GRIK1: variants seen among roughly 807,000 people sequenced by gnomAD.
The protein encoded by GRIK1 is glutamate receptor ionotropic, kainate 1.
Under a neutral mutation model 105.7 loss-of-function variants are expected in GRIK1, and 69 were observed. That is an observed-to-expected ratio of 0.65 (90% CI 0.54 to 0.80). The LOEUF is 0.80. Among genes scored for constraint, GRIK1 ranks in the 30% least tolerant of loss-of-function variants. The probability of loss-of-function intolerance (pLI) is 0.00; values close to 1 mark genes in which losing one functional copy is unlikely to be tolerated. For synonymous variants in GRIK1, 438 were observed against 431.3 expected, an observed-to-expected ratio of 1.02 and a Z score of -0.19; for missense variants, 1,109 against 1,167.3, an observed-to-expected ratio of 0.95 and a Z score of 0.73.
At chr21:29,590,185 A>C (rs1407981526) in intron 10 of GRIK1, among the ~76,000 whole-genome samples, 1 of 152,226 alleles carries the variant, frequency 6.6e-6, no homozygotes, top group South Asian at 2.1e-4. Context: ...ATTCAAACAC[A>C]GTAGAGAACC....
At chr21:29,867,259 G>A (rs2068832454) in intron 1 of GRIK1, among the ~76,000 whole-genome samples, 1 of 152,036 alleles carries the variant, frequency 6.6e-6, no homozygotes, top group Non-Finnish European at 1.5e-5. Flanking sequence ...CAGCTATAAA[G>A]CTGTTTCACA....
intron 1 of GRIK1, among the ~76,000 whole-genome samples, chr21:29,766,400 T>A (rs2065669597): frequency 5.3e-5 from 8 of 152,108 alleles, no homozygotes; most frequent in Admixed American, 5.2e-4. Flanking sequence ...CATTCTGCAA[T>A]GCACAGGGCA....
rs1471385361 is a variant in GRIK1 at position 29,795,027 on chromosome 21, AATTTTTTTTT to A, written c.119-100974_119-100965del. Reference sequence around the variant, plus strand: ...CCAAGCTTCCTGATGCTTTGCTCTAAATTTTTTTTTTTTTTTTTTTTTTTTTGAGATGGAG... The same window carrying A: ...CCAAGCTTCCTGATGCTTTGCTCTAATTTTTTTTTTTTTTTTGAGATGGAG... On this transcript the variant is annotated intron_variant, in intron 1 of 17. Transcript: ENST00000327783. 1.1e-3 allele frequency among the ~76,000 whole-genome samples: 92 copies of A among 82,152 alleles called. 1 individual carries two copies. The highest frequency in any genetic ancestry group is 6.3e-3 in the South Asian group (12 of 1,898). The allele number at this position is 82,152 out of a possible 152,430, so 53.9% of individuals were successfully genotyped here.
intron 1 of GRIK1, among the ~76,000 whole-genome samples, chr21:29,754,969 G>T (rs2065299230): frequency 6.6e-6 from 1 of 151,952 alleles, no homozygotes; most frequent in Non-Finnish European, 1.5e-5. Context: ...TATCTAGCTA[G>T]CTACCTAGCT....
rs554119623 is a variant in GRIK1 at position 29,846,077 on chromosome 21, A to G, written c.118+93306T>C. Among the ~76,000 whole-genome samples, 24 of 152,230 alleles carry G rather than the reference A, an allele frequency of 1.6e-4. No individual in the cohort carries two copies. The Middle Eastern group carries it at 0.017, about 108-fold the overall frequency. ...ATCCTCCTCCCCACTGGCCAAATAGAAAATGGAAGACACAGAATAGAAATG... is the reference window on the plus strand; with the variant it reads ...ATCCTCCTCCCCACTGGCCAAATAGGAAATGGAAGACACAGAATAGAAATG... On this transcript the variant is annotated intron_variant, in intron 1 of 17. Coordinates refer to ENST00000327783, the MANE Select transcript of GRIK1 (RefSeq NM_001330994.2).
chr21:29,543,980 G>A (rs1171928376), intron 16 of GRIK1, among the ~76,000 whole-genome samples: 2 of 152,088 alleles, frequency 1.3e-5, no homozygotes, highest in Admixed American at 1.3e-4. Context: ...TTACCTCCAT[G>A]TTGTCTCTTC....
At chr21:29,846,466 A>AAAG (rs1491497003) in intron 1 of GRIK1, among the ~76,000 whole-genome samples, 4 of 34,798 alleles carry the variant, frequency 1.1e-4, no homozygotes, top group African/African-American at 2.0e-4. Flanking sequence ...AGAGAGAGAG[A>AAAG]AAGAAAGAAA....
intron 4 of GRIK1, among the ~76,000 whole-genome samples, chr21:29,656,924 G>A (rs1045716484): frequency 6.6e-6 from 1 of 151,982 alleles, no homozygotes; most frequent in Non-Finnish European, 1.5e-5. Flanking sequence ...CAGCCCACAG[G>A]ATATAAGTCA....
chr21:29,801,320 A>C (rs1443220002), intron 1 of GRIK1, among the ~76,000 whole-genome samples: 1 of 151,994 alleles, frequency 6.6e-6, no homozygotes, highest in Non-Finnish European at 1.5e-5. Context: ...CTTAATAAAT[A>C]GTACTTACCT....
chr21:29,920,002 A>G (rs796587742), intron 1 of GRIK1, among the ~76,000 whole-genome samples: 1 of 152,126 alleles, frequency 6.6e-6, no homozygotes, highest in Non-Finnish European at 1.5e-5. Flanking sequence ...GTTCAGAAAA[A>G]CCATTACAGG....
intron 12 of GRIK1, among the ~76,000 whole-genome samples, chr21:29,585,001 C>T (rs1210928105): frequency 6.6e-6 from 1 of 152,174 alleles, no homozygotes; most frequent in African/African-American, 2.4e-5. Flanking sequence ...CATGACAGTA[C>T]ACTTGTGCCC....
intron 1 of GRIK1, among the ~76,000 whole-genome samples, chr21:29,707,430 TCCTCCCTCCCTCCCTCCCTCCCTCCCTC>T (rs1216023795): frequency 7.7e-5 from 7 of 91,028 alleles, no homozygotes; most frequent in African/African-American, 1.5e-4. Context: ...TTCTTTCCCT[TCCTCCCTCCCTCCCTCCCTCCCTCCCTC>T]CCTCCCTCCC....
At chr21:29,618,499 C>T (rs1035228984) in intron 7 of GRIK1, among the ~76,000 whole-genome samples, 12 of 152,074 alleles carry the variant, frequency 7.9e-5, no homozygotes, top group Non-Finnish European at 1.2e-4. Flanking sequence ...TCCAGCAAGC[C>T]GACTACTGTA....
At chr21:29,851,460 C>A (rs1214896452) in intron 1 of GRIK1, among the ~76,000 whole-genome samples, 2 of 152,188 alleles carry the variant, frequency 1.3e-5, no homozygotes, top group South Asian at 2.1e-4. Context: ...TAAATGTGAA[C>A]AACATCCTCT....
intron 1 of GRIK1, among the ~76,000 whole-genome samples, chr21:29,824,793 AG>A (rs1410868695): frequency 1.3e-5 from 2 of 151,984 alleles, no homozygotes; most frequent in Non-Finnish European, 2.9e-5. Context: ...AATACTATGG[AG>A]GGTCATAAGA....
chr21:29,899,443 G>A (rs1305693994), intron 1 of GRIK1, among the ~76,000 whole-genome samples: 1 of 151,992 alleles, frequency 6.6e-6, no homozygotes, highest in African/African-American at 2.4e-5. Context: ...AGTTTTTCAT[G>A]CGTCTTTTCA....
chr21:29,711,235 G>C (rs1260051646), intron 1 of GRIK1, among the ~76,000 whole-genome samples: 2 of 151,914 alleles, frequency 1.3e-5, no homozygotes, highest in Non-Finnish European at 1.5e-5. Context: ...TTATCCTATA[G>C]GATTATAATG....
intron 1 of GRIK1, among the ~76,000 whole-genome samples, chr21:29,919,555 A>C (rs2071122079): frequency 6.6e-6 from 1 of 152,134 alleles, no homozygotes; most frequent in African/African-American, 2.4e-5. Flanking sequence ...TGAGAAACAT[A>C]TTCAAGGCTT....
chr21:29,553,154 A>G (rs1251923466), intron 16 of GRIK1: 1 of 914,964 alleles, frequency 1.1e-6, no homozygotes, highest in Non-Finnish European at 1.3e-6. Context: ...GGAGAAGAAA[A>G]GAGGAGGGAA....
Sources: gnomAD v4.1 joint callset for allele counts (sites outside exome capture counted in the v4.1 genomes callset) on GRCh38, gnomAD v4.1.1 for gene constraint, MANE v1.5 for transcripts, NCBI Gene and HGNC (gene_info 2026-07-23, HGNC 2026-07-21) for gene names.